HS3ST3A1: variants seen among roughly 807,000 people sequenced by gnomAD.
HS3ST3A1 encodes heparan sulfate-glucosamine 3-sulfotransferase 3A1.
HS3ST3A1 carries 19 observed loss-of-function variants against 25.7 expected under a neutral mutation model. That is an observed-to-expected ratio of 0.74 (90% CI 0.52 to 1.08). The LOEUF (loss-of-function observed/expected upper bound fraction) is 1.08, where lower values mean the gene tolerates loss of function less well. Among genes scored for constraint, HS3ST3A1 ranks in the 50% least tolerant of loss-of-function variants. The probability of loss-of-function intolerance (pLI) is 0.00; values close to 1 mark genes in which losing one functional copy is unlikely to be tolerated. For synonymous variants in HS3ST3A1, 226 were observed against 278.6 expected (o/e 0.81, Z 1.88); for missense variants, 459 against 594.3 (o/e 0.77, Z 2.37).
chr17:13,564,513 AT>A (rs1043575684), intron 1 of HS3ST3A1, among the ~76,000 whole-genome samples: 4 of 152,154 alleles, frequency 2.6e-5, no homozygotes, highest in African/African-American at 9.7e-5. Flanking sequence ...TCCTGTATAC[AT>A]TTAAATCTTC....
chr17:13,540,207 C>A (rs1862575441), intron 1 of HS3ST3A1, among the ~76,000 whole-genome samples: 1 of 152,212 alleles, frequency 6.6e-6, no homozygotes, highest in Admixed American at 6.5e-5. Context: ...TGTCTTCAAG[C>A]AACAATCTAT....
intron 1 of HS3ST3A1, among the ~76,000 whole-genome samples, chr17:13,573,100 A>T (rs1907859366): frequency 6.6e-6 from 1 of 152,126 alleles, no homozygotes; most frequent in South Asian, 2.1e-4. Context: ...CTAGTTGACA[A>T]ATCCATCAGA....
In HS3ST3A1 at chr17:13,496,785, G is replaced by C. The variant is rs1406564100; in HGVS notation, c.633C>G (p.Ile211Met). The C allele has an allele frequency of 6.2e-7, 1 of 1,613,826 alleles. No individual in the cohort carries two copies. The highest frequency in any genetic ancestry group is 8.5e-7 in the Non-Finnish European group (1 of 1,179,894). The change falls in exon 2 of 2, where the codon ATC (isoleucine) becomes ATG (methionine). Residue 211 changes from isoleucine to methionine, a missense_variant. Ile to Met is a conservative substitution (Grantham distance 10, BLOSUM62 1). Coordinates refer to ENST00000284110, the MANE Select transcript of HS3ST3A1 (RefSeq NM_006042.3). ...DLMPRTLDGQ[I>M]TMEKTPSYFV... Reference sequence around the variant, plus strand: ...AGTAACTGGGCGTCTTCTCCATGGTGATCTGCCCGTCCAGGGTTCTGGGCA... The same window carrying C: ...AGTAACTGGGCGTCTTCTCCATGGTCATCTGCCCGTCCAGGGTTCTGGGCA...
intron 1 of HS3ST3A1, among the ~76,000 whole-genome samples, chr17:13,556,602 C>T (rs1470735116): frequency 6.6e-6 from 1 of 151,492 alleles, no homozygotes; most frequent in Admixed American, 6.6e-5. Flanking sequence ...GCCTGTAATC[C>T]CAGCACTTTG....
chr17:13,511,421 A>G (rs1340582238), intron 1 of HS3ST3A1, among the ~76,000 whole-genome samples: 3 of 152,088 alleles, frequency 2.0e-5, no homozygotes, highest in Non-Finnish European at 4.4e-5. Flanking sequence ...AAAAAAATCA[A>G]ATTAAGTAGC....
At chr17:13,587,372 T>C (rs1460519698) in intron 1 of HS3ST3A1, among the ~76,000 whole-genome samples, 2 of 152,210 alleles carry the variant, frequency 1.3e-5, no homozygotes, top group Non-Finnish European at 2.9e-5. Context: ...GAGAATCGCT[T>C]GAACCCAAGA....
chr17:13,561,528 G>A (rs373982386), intron 1 of HS3ST3A1, among the ~76,000 whole-genome samples: 1 of 151,836 alleles, frequency 6.6e-6, no homozygotes, highest in Non-Finnish European at 1.5e-5. Context: ...CTGGGATTTG[G>A]GATTACAGGC....
At chr17:13,560,012 G>A (rs1210808968) in intron 1 of HS3ST3A1, among the ~76,000 whole-genome samples, 15 of 151,582 alleles carry the variant, frequency 9.9e-5, no homozygotes, top group African/African-American at 2.4e-4. Flanking sequence ...TGTATTGGCC[G>A]GGCGTGGTGG....
At chr17:13,496,839 T>C in intron 1 of HS3ST3A1, 21 bp from the exon 2 acceptor site, 4 of 1,604,460 alleles carry the variant, frequency 2.5e-6, no homozygotes, top group Non-Finnish European at 3.4e-6. Context: ...CAAAAAGGCA[T>C]GTCAGAGATG....
chr17:13,564,858 G>A (rs1157934936), intron 1 of HS3ST3A1, among the ~76,000 whole-genome samples: 1 of 151,754 alleles, frequency 6.6e-6, no homozygotes. Flanking sequence ...CAAGTAGCTG[G>A]GATTACAGGT....
At chr17:13,509,205 T>C (rs1567610093) in intron 1 of HS3ST3A1, among the ~76,000 whole-genome samples, 1 of 152,134 alleles carries the variant, frequency 6.6e-6, no homozygotes, top group East Asian at 1.9e-4. Flanking sequence ...GGAGAAGAGC[T>C]TAAAGGGAAA....
chr17:13,541,968 A>T (rs9903006), intron 1 of HS3ST3A1, among the ~76,000 whole-genome samples: 66,642 of 151,962 alleles, frequency 0.44, 16,127 homozygotes, highest in African/African-American at 0.65. Context: ...AAAATTGGTA[A>T]GTTGAAGCCT....
At chr17:13,589,116 C>T (rs1053656224) in intron 1 of HS3ST3A1, among the ~76,000 whole-genome samples, 1 of 152,152 alleles carries the variant, frequency 6.6e-6, no homozygotes, top group Admixed American at 6.5e-5. Context: ...GAGATTGATT[C>T]GCTTCATCCA....
intron 1 of HS3ST3A1, among the ~76,000 whole-genome samples, chr17:13,569,460 T>C (rs1307531911): frequency 1.3e-5 from 2 of 152,182 alleles, no homozygotes; most frequent in Non-Finnish European, 2.9e-5. Flanking sequence ...AGGCTAGGCA[T>C]CCAAGCTCCA....
chr17:13,521,577 C>G (rs749875737), intron 1 of HS3ST3A1, among the ~76,000 whole-genome samples: 1 of 152,156 alleles, frequency 6.6e-6, no homozygotes, highest in African/African-American at 2.4e-5. Context: ...CATTCGTTAA[C>G]GTTTAACCTC....
chr17:13,519,495 C>T (rs144062821), intron 1 of HS3ST3A1, among the ~76,000 whole-genome samples: 105 of 151,864 alleles, frequency 6.9e-4, no homozygotes, highest in African/African-American at 2.4e-3. Context: ...TTAAAAGTAC[C>T]CAAAGTTCTG....
Position 13,529,801 on chromosome 17 carries a change from G to A in HS3ST3A1, c.600-32983C>T, listed in dbSNP as rs139157409. 6.6e-5 allele frequency among the ~76,000 whole-genome samples: 10 copies of A among 152,202 alleles called. No homozygotes were observed. In the East Asian group the frequency reaches 1.9e-3, roughly 29 times the overall value. Reference sequence around the variant, plus strand: ...AAAACTTGCTGAACACAACCCCAAAGTCTCCTTGTAAATGTTTTAGGGTTA... The same window carrying A: ...AAAACTTGCTGAACACAACCCCAAAATCTCCTTGTAAATGTTTTAGGGTTA... On this transcript the variant is annotated intron_variant, in intron 1 of 1. Coordinates refer to ENST00000284110, the MANE Select transcript of HS3ST3A1 (RefSeq NM_006042.3).
chr17:13,600,937 C>A lies in HS3ST3A1; in HGVS notation c.193G>T (p.Ala65Ser), dbSNP rs1318267229. 4.6e-6 allele frequency: 7 copies of A among 1,533,368 alleles called. No homozygotes were observed. The highest frequency in any genetic ancestry group is 2.4e-5 in the South Asian group (2 of 82,712). The allele number at this position is 1,533,368 out of a possible 1,614,324, so 95.0% of individuals were successfully genotyped here. The change falls in exon 1 of 2, where the codon GCC becomes TCC. Residue 65 changes from alanine to serine, a missense_variant. Ala to Ser is a moderately conservative substitution (Grantham distance 99). Transcript: ENST00000284110. ...CCGGCCAGGACGCCGCCACCAGGGG[C>A]CCCCGCCTCCTCGCCGCCGCCGGAC... Reference protein sequence around the residue: ...GLSGGGEEAGAPGGGVLAGGP... With the variant: ...GLSGGGEEAGSPGGGVLAGGP...
intron 1 of HS3ST3A1, among the ~76,000 whole-genome samples, chr17:13,556,885 A>G (rs904959028): frequency 4.0e-5 from 6 of 151,862 alleles, no homozygotes; most frequent in Non-Finnish European, 8.8e-5. Flanking sequence ...AAATCAGCAT[A>G]AACAGAAATG....
Sources: gnomAD v4.1 joint callset for allele counts (sites outside exome capture counted in the v4.1 genomes callset) on GRCh38, gnomAD v4.1.1 for gene constraint, MANE v1.5 for transcripts, NCBI Gene and HGNC (gene_info 2026-07-23, HGNC 2026-07-21) for gene names.